The following HTR2B variants were observed in gnomAD, a reference collection of about 807,000 sequenced individuals.
The protein encoded by HTR2B is 5-HT 2B receptor.
HTR2B carries 31 observed loss-of-function variants against 39.8 expected under a neutral mutation model. The observed-to-expected ratio is 0.78, with a 90% CI of 0.58 to 1.05. The LOEUF (loss-of-function observed/expected upper bound fraction) is 1.05, where lower values mean the gene tolerates loss of function less well. Among genes scored for constraint, HTR2B ranks in the 50% least tolerant of loss-of-function variants. HTR2B has a pLI of 0.00. For synonymous variants in HTR2B, 210 were observed against 207.1 expected (o/e 1.01, Z -0.12); for missense variants, 562 against 578.0 (o/e 0.97, Z 0.28).
At chr2:231,122,625 A>G (rs996046454) in intron 2 of HTR2B, among the ~76,000 whole-genome samples, 2 of 152,138 alleles carry the variant, frequency 1.3e-5, no homozygotes, top group Non-Finnish European at 2.9e-5. Flanking sequence ...TCCAAATTTT[A>G]TAACTAGAGA....
chr2:231,114,490 T>C (rs1043854311), intron 2 of HTR2B, among the ~76,000 whole-genome samples: 2 of 152,280 alleles, frequency 1.3e-5, no homozygotes, highest in Non-Finnish European at 2.9e-5. Context: ...CAGAAATAGT[T>C]CTCAAATAAA....
Position 231,123,600 on chromosome 2 carries a change from G to A in HTR2B, c.165C>T (p.His55=). ...CCATGAGTATCAGAAGAGCTGCCCA[G>A]TGCAGTTTATTTCCCTGTTCCTCAA... ...QIVEEQGNKL[H]WAALLILMVI... is the part of the protein sequence containing the mutation. The change falls in exon 2 of 4, where the codon CAC becomes CAT. Residue 55 remains histidine (H), a synonymous_variant. Coordinates refer to ENST00000258400, the MANE Select transcript of HTR2B (RefSeq NM_000867.5). 1 of 1,614,088 alleles carries A rather than the reference G, an allele frequency of 6.2e-7. No homozygotes were observed. The highest frequency in any genetic ancestry group is 8.5e-7 in the Non-Finnish European group (1 of 1,179,956).
Position 231,124,008 on chromosome 2 carries a change from T to C in HTR2B, c.-244A>G. 1 of 478,952 alleles carries C rather than the reference T, an allele frequency of 2.1e-6. No homozygotes were observed. Among genetic ancestry groups the C allele is most frequent in the Non-Finnish European group, 3.8e-6 (1 of 264,550 alleles). The allele number at this position is 478,952 out of a possible 1,614,324, so 29.7% of individuals were successfully genotyped here. On this transcript the variant is annotated 5_prime_UTR_variant, in exon 2 of 4. It removes the in-frame stop codon of an upstream open reading frame in the 5' UTR. Coordinates refer to ENST00000258400, the MANE Select transcript of HTR2B (RefSeq NM_000867.5). ...TCTAGAGGCTTAAATTTAGGAAAGC[T>C]CAGTGAAAGAAACTGATAGCTGTGA...
rs1695630823 is a variant in HTR2B at position 231,123,619 on chromosome 2, T to G, written c.146A>C (p.Glu49Ala). Residue 49 changes from glutamate to alanine, a missense_variant, in exon 2 of 4, where the codon GAA (glutamate) becomes GCA (alanine). Glu to Ala is a moderately radical substitution (Grantham distance 107). Transcript: ENST00000258400. ...TGCCCAGTGCAGTTTATTTCCCTGT[T>G]CCTCAACAATCTGTTTCATTTCCTC... The part of the protein sequence containing the change: ...IPEEMKQIVE[E>A]QGNKLHWAAL... The G allele has an allele frequency of 6.2e-7, 1 of 1,614,006 alleles. No homozygotes were observed. The highest frequency in any genetic ancestry group is 1.3e-5 in the African/African-American group (1 of 74,932).
intron 2 of HTR2B, among the ~76,000 whole-genome samples, chr2:231,117,338 A>G (rs949827655): frequency 2.0e-5 from 3 of 152,140 alleles, no homozygotes; most frequent in Admixed American, 6.5e-5. Flanking sequence ...ACAGTTACAT[A>G]CTTAAATGGA....
intron 2 of HTR2B, among the ~76,000 whole-genome samples, chr2:231,119,158 C>T (rs1457783560): frequency 6.6e-6 from 1 of 152,158 alleles, no homozygotes; most frequent in Non-Finnish European, 1.5e-5. Context: ...AAAATTTCCA[C>T]TTTACAAAAA....
rs569267004 is a variant in HTR2B, at chr2:231,112,933, G to A, written c.553+796C>T. ...TAATCCCAGCACTTTGGGAGGCTGG[G>A]GCAGGGGGATCGCCAGAGCTCAAGA... On this transcript the variant is annotated intron_variant, in intron 3 of 3. Transcript: ENST00000258400. 5.9e-5 allele frequency among the ~76,000 whole-genome samples: 9 copies of A among 152,270 alleles called. No homozygotes were observed. In the South Asian group the frequency reaches 6.2e-4, roughly 11 times the overall value.
In HTR2B at chr2:231,109,525, G is replaced by A. The variant is rs1695084973; in HGVS notation, c.554-116C>T. ...TGCTTGTTGGTGCATTATAATTCCT[G>A]GGACCCACAATGCAGGATTTGTCGA... is the stretch of plus-strand genomic sequence containing the variant. On this transcript the variant is annotated intron_variant, in intron 3 of 3. Transcript: ENST00000258400. 8.0e-6 allele frequency: 7 copies of A among 879,190 alleles called. No individual in the cohort carries two copies. The South Asian group carries it at 9.4e-5, about 12-fold the overall frequency. The allele number at this position is 879,190 out of a possible 1,614,324, so 54.5% of individuals were successfully genotyped here.
rs16827795 is a variant in HTR2B, at chr2:231,113,375, T to C, written c.553+354A>G. Among the ~76,000 whole-genome samples the C allele has an allele frequency of 7.3e-3, 1,114 of 152,318 alleles. 22 individuals carry two copies. The highest frequency in any genetic ancestry group is 0.026 in the African/African-American group (1,070 of 41,568). On this transcript the variant is annotated intron_variant, in intron 3 of 3. Transcript: ENST00000258400. The stretch of plus-strand genomic sequence containing the variant: ...TGCATTTCTTGTTATTTTAATGTAA[T>C]TACAGGATTCCAAATGCTAGCTAGA...
At chr2:231,113,102 A>G (rs1390020555) in intron 3 of HTR2B, among the ~76,000 whole-genome samples, 1 of 152,106 alleles carries the variant, frequency 6.6e-6, no homozygotes, top group East Asian at 1.9e-4. Context: ...AAGTCGAGGC[A>G]GCAGTGAACC....
chr2:231,108,516 G>C lies in HTR2B; in HGVS notation c.*1C>G. 2 of 1,610,580 alleles carry C rather than the reference G, an allele frequency of 1.2e-6. No homozygotes were observed. Among genetic ancestry groups the C allele is most frequent in the Non-Finnish European group, 1.7e-6 (2 of 1,177,292 alleles). On this transcript the variant is annotated 3_prime_UTR_variant, in exon 4 of 4. Transcript: ENST00000258400. ...ATGTTTGATGACAACTGCCAGTTCT[G>C]CTATACATAACTAACTTGCTCTTCA...
intron 3 of HTR2B, among the ~76,000 whole-genome samples, chr2:231,110,452 G>C (rs1403941668): frequency 6.6e-6 from 1 of 152,086 alleles, no homozygotes; most frequent in East Asian, 1.9e-4. Flanking sequence ...ATAATACAGG[G>C]GTTAACCTGA....
At chr2:231,113,990 A>G (rs963193848) in intron 2 of HTR2B, 61 bp from the exon 3 acceptor site, 5 of 1,340,502 alleles carry the variant, frequency 3.7e-6, no homozygotes, top group African/African-American at 2.9e-5. Context: ...TTCAGTCTAC[A>G]GTTTTTCAGG....
At chr2:231,119,908 T>A (rs1020516863) in intron 2 of HTR2B, among the ~76,000 whole-genome samples, 8 of 140,096 alleles carry the variant, frequency 5.7e-5, no homozygotes, top group Admixed American at 2.1e-4. Context: ...AATAAACCAA[T>A]AACACCCAAT....
At chr2:231,120,646 A>G (rs1401954522) in intron 2 of HTR2B, among the ~76,000 whole-genome samples, 1 of 152,258 alleles carries the variant, frequency 6.6e-6, no homozygotes, top group African/African-American at 2.4e-5. Flanking sequence ...TCTCAGTATA[A>G]GGACAGAAGG....
chr2:231,120,780 ATAGT>A (rs1008116793), intron 2 of HTR2B, among the ~76,000 whole-genome samples: 17 of 152,244 alleles, frequency 1.1e-4, no homozygotes, highest in African/African-American at 3.1e-4. Flanking sequence ...GCTCATAGTG[ATAGT>A]TAATCTTTTA....
chr2:231,116,454 A>C (rs1312011948), intron 2 of HTR2B, among the ~76,000 whole-genome samples: 1 of 152,088 alleles, frequency 6.6e-6, no homozygotes, highest in South Asian at 2.1e-4. Context: ...ATAGTTTGCC[A>C]ACTATTTAAA....
intron 2 of HTR2B, among the ~76,000 whole-genome samples, chr2:231,118,408 C>T (rs1353788022): frequency 2.0e-5 from 3 of 151,976 alleles, no homozygotes; most frequent in African/African-American, 4.8e-5. Flanking sequence ...CTGTACTTTC[C>T]GGGGGTGAGG....
chr2:231,108,925 AG>A lies in HTR2B; in HGVS notation c.1037del (p.Thr346IlefsTer2). ...GGTTACAGGAATCACATAAAACTAAAGTTATATTTGTAATAAAGAAGGGACA... is the reference window on the plus strand; with the variant it reads ...GGTTACAGGAATCACATAAAACTAAATTATATTTGTAATAAAGAAGGGACA... ...MWCPFFITNI[T>X]LVLCDSCNQT... On this transcript the variant is annotated frameshift_variant, in exon 4 of 4. Coordinates refer to ENST00000258400, the MANE Select transcript of HTR2B (RefSeq NM_000867.5). LOFTEE classifies it high-confidence loss of function. 6.2e-7 allele frequency: 1 copy of A among 1,614,162 alleles called. No homozygotes were observed. The highest frequency in any genetic ancestry group is 8.5e-7 in the Non-Finnish European group (1 of 1,180,004).
Sources: allele counts gnomAD v4.1 joint callset (sites outside exome capture counted in the v4.1 genomes callset), GRCh38; gene constraint gnomAD v4.1.1; transcripts MANE v1.5; gene names NCBI Gene and HGNC (gene_info 2026-07-23, HGNC 2026-07-21).